HPCAL1: variants seen among roughly 807,000 people sequenced by gnomAD.
The protein encoded by HPCAL1 is hippocalcin-like protein 1.
A neutral mutation model predicts 17.1 loss-of-function variants in HPCAL1; 8 were observed. The ratio of observed to expected loss-of-function variants is 0.47; its 90% CI spans 0.27 to 0.84. HPCAL1 has a LOEUF of 0.84. Among genes scored for constraint, HPCAL1 ranks in the 40% least tolerant of loss-of-function variants. The pLI is 0.13. For synonymous variants in HPCAL1, 112 were observed against 111.4 expected, an observed-to-expected ratio of 1.01 and a Z score of -0.03; for missense variants, 165 against 271.1, an observed-to-expected ratio of 0.61 and a Z score of 2.75.
chr2:10,414,201 C>T (rs753222584), intron 2 of HPCAL1, among the ~76,000 whole-genome samples: 11 of 152,246 alleles, frequency 7.2e-5, no homozygotes, highest in South Asian at 4.1e-4. Context: ...GCAGGTGTAA[C>T]GTACCTGGCA....
In HPCAL1 at chr2:10,303,126, G is replaced by A; in HGVS notation, c.-162G>A. 6.6e-6 allele frequency: 1 copy of A among 151,946 alleles called. No homozygotes were observed. The highest frequency in any genetic ancestry group is 1.9e-4 in the East Asian group (1 of 5,160). 9.4% of individuals were successfully genotyped at this position (151,946 alleles called of 1,614,324 possible). A position where few individuals can be genotyped will look rare whatever the true frequency, so the allele number is the denominator to read the frequency against. On this transcript the variant is annotated 5_prime_UTR_variant, in exon 1 of 5. Coordinates refer to ENST00000307845, the MANE Select transcript of HPCAL1 (RefSeq NM_002149.4). ...CCCGGGCCCGCTGCAGCCGCCGCCG[G>A]CGCCGAACTTGGGCTCGGGAAGCCG... is the stretch of plus-strand genomic sequence containing the variant.
At chr2:10,399,848 C>T (rs996327260) in intron 2 of HPCAL1, among the ~76,000 whole-genome samples, 1 of 152,172 alleles carries the variant, frequency 6.6e-6, no homozygotes, top group African/African-American at 2.4e-5. Context: ...TCATGCGTTC[C>T]TTCCCTTGAG....
At chr2:10,361,098 G>T (rs1666495983) in intron 1 of HPCAL1, among the ~76,000 whole-genome samples, 1 of 145,832 alleles carries the variant, frequency 6.9e-6, no homozygotes, top group Admixed American at 7.0e-5. Context: ...GATGAGACAG[G>T]CGAGACTGCC....
At chr2:10,388,720 G>A (rs779791914) in intron 1 of HPCAL1, among the ~76,000 whole-genome samples, 2 of 152,110 alleles carry the variant, frequency 1.3e-5, no homozygotes, top group African/African-American at 4.8e-5. Flanking sequence ...ACTCCCTGCC[G>A]ACCTCGTCTC....
rs574579149 is a variant in HPCAL1 at position 10,331,055 on chromosome 2, G to C, written c.-111+27878G>C. 3.3e-5 allele frequency among the ~76,000 whole-genome samples: 5 copies of C among 152,106 alleles called. No homozygotes were observed. The highest frequency in any genetic ancestry group is 7.4e-5 in the Non-Finnish European group (5 of 68,018). The stretch of plus-strand genomic sequence containing the variant: ...TGGCTTCTTCCTCATCCCGCCTCTC[G>C]CTCCATCTCGTGGCCTCCCATCTGC... On this transcript the variant is annotated intron_variant, in intron 1 of 4. Transcript: ENST00000307845. The surrounding 1 kb of genome is among the most constrained non-coding windows in gnomAD (Gnocchi z 5.0).
rs1284265595 is a variant in HPCAL1 at position 10,399,239 on chromosome 2, C to T, written c.-25+2319C>T. ...CCACCACCACCACCACCACCACCAC[C>T]ATCACCACCACCACCACCACCATCA... On this transcript the variant is annotated intron_variant, in intron 2 of 4. Coordinates refer to ENST00000307845, the MANE Select transcript of HPCAL1 (RefSeq NM_002149.4). Among the ~76,000 whole-genome samples the T allele has an allele frequency of 1.3e-3, 149 of 117,994 alleles. 4 individuals carry two copies. The highest frequency in any genetic ancestry group is 4.1e-3 in the African/African-American group (138 of 33,836). 77.4% of individuals were successfully genotyped at this position (117,994 alleles called of 152,430 possible).
rs376794641 is a variant in HPCAL1 at position 10,391,649 on chromosome 2, A to G, written c.-110-5186A>G. ...TCCGCTCTTCTGCCAGCCCCAAGAAACTACGAATCTACTTTCTGTCTCTGT... is the reference window on the plus strand; with the variant it reads ...TCCGCTCTTCTGCCAGCCCCAAGAAGCTACGAATCTACTTTCTGTCTCTGT... On this transcript the variant is annotated intron_variant, in intron 1 of 4. Transcript: ENST00000307845. Among the ~76,000 whole-genome samples, 123 of 152,278 alleles carry G rather than the reference A, an allele frequency of 8.1e-4. 2 individuals carry two copies. Among genetic ancestry groups the G allele is most frequent in the African/African-American group, 2.8e-3 (116 of 41,540 alleles).
chr2:10,386,046 C>A lies in HPCAL1; in HGVS notation c.-110-10789C>A, dbSNP rs151276400. The stretch of plus-strand genomic sequence containing the variant: ...AATGTCGATAACACAGCAGGACTTG[C>A]GTGTGACAAGCTGAGCCACATAACG... On this transcript the variant is annotated intron_variant, in intron 1 of 4. Coordinates refer to ENST00000307845, the MANE Select transcript of HPCAL1 (RefSeq NM_002149.4). 1.2e-4 allele frequency among the ~76,000 whole-genome samples: 18 copies of A among 152,328 alleles called. No individual in the cohort carries two copies. The East Asian group carries it at 3.1e-3, about 26-fold the overall frequency.
At position 10,366,736 on chromosome 2, in the gene HPCAL1, T is replaced by C. The variant is rs113085815; in HGVS notation, c.-110-30099T>C. Among the ~76,000 whole-genome samples the C allele has an allele frequency of 1.4e-3, 214 of 152,320 alleles. 1 individual carries two copies. Among genetic ancestry groups the C allele is most frequent in the African/African-American group, 5.0e-3 (207 of 41,576 alleles). On this transcript the variant is annotated intron_variant, in intron 1 of 4. Coordinates refer to ENST00000307845, the MANE Select transcript of HPCAL1 (RefSeq NM_002149.4). ...TGCCCCGGCTCCCCAGCCCCGGGCTTCCTGCATTGTGTGCTTCCACTCCCG... is the reference window on the plus strand; with the variant it reads ...TGCCCCGGCTCCCCAGCCCCGGGCTCCCTGCATTGTGTGCTTCCACTCCCG...
At chr2:10,372,562 C>T (rs1371806950) in intron 1 of HPCAL1, among the ~76,000 whole-genome samples, 3 of 152,164 alleles carry the variant, frequency 2.0e-5, no homozygotes, top group Non-Finnish European at 2.9e-5. Flanking sequence ...GGGCAAGTGG[C>T]GTCACCAAGG....
At chr2:10,318,951 G>T (rs757329451) in intron 1 of HPCAL1, among the ~76,000 whole-genome samples, 1 of 152,178 alleles carries the variant, frequency 6.6e-6, no homozygotes, top group Non-Finnish European at 1.5e-5. Context: ...TGATGGACAC[G>T]GCCTTGTAGC....
intron 1 of HPCAL1, among the ~76,000 whole-genome samples, chr2:10,307,712 A>G (rs1662712297): frequency 6.6e-6 from 1 of 152,130 alleles, no homozygotes; most frequent in Admixed American, 6.5e-5. Context: ...GTCTGTCTTC[A>G]CTTTGCCATC....
At chr2:10,410,819 T>A (rs1670308597) in intron 2 of HPCAL1, among the ~76,000 whole-genome samples, 1 of 152,120 alleles carries the variant, frequency 6.6e-6, no homozygotes, top group Non-Finnish European at 1.5e-5. Context: ...TTTCTGTCTC[T>A]GCAGAAAGGC....
At chr2:10,412,892 A>C (rs1670443632) in intron 2 of HPCAL1, among the ~76,000 whole-genome samples, 1 of 152,242 alleles carries the variant, frequency 6.6e-6, no homozygotes, top group East Asian at 1.9e-4. Context: ...TCAAGGTCAT[A>C]GGCACAGTCT....
intron 1 of HPCAL1, among the ~76,000 whole-genome samples, chr2:10,340,509 T>A (rs985831754): frequency 6.6e-6 from 1 of 152,064 alleles, no homozygotes; most frequent in Non-Finnish European, 1.5e-5. Flanking sequence ...CTTTGAGAGG[T>A]CATCTGTAGG....
intron 1 of HPCAL1, among the ~76,000 whole-genome samples, chr2:10,308,394 A>G (rs1312608597): frequency 2.0e-5 from 3 of 152,124 alleles, no homozygotes; most frequent in Non-Finnish European, 2.9e-5. Flanking sequence ...TCACCCCAGA[A>G]AGATCCCTCT....
At position 10,368,123 on chromosome 2, in the gene HPCAL1, G is replaced by T. The variant is rs561670001; in HGVS notation, c.-110-28712G>T. The stretch of plus-strand genomic sequence containing the variant: ...GTGCATATGCGCATACACATGTATA[G>T]GTGTGTGCATGTGTGCACACGTGCA... On this transcript the variant is annotated intron_variant, in intron 1 of 4. Coordinates refer to ENST00000307845, the MANE Select transcript of HPCAL1 (RefSeq NM_002149.4). Among the ~76,000 whole-genome samples, 178 of 151,796 alleles carry T rather than the reference G, an allele frequency of 1.2e-3. 2 individuals carry two copies. Among genetic ancestry groups the T allele is most frequent in the African/African-American group, 4.2e-3 (172 of 41,388 alleles).
intron 1 of HPCAL1, among the ~76,000 whole-genome samples, chr2:10,320,204 A>G (rs966275721): frequency 6.6e-6 from 1 of 152,076 alleles, no homozygotes; most frequent in Non-Finnish European, 1.5e-5. Context: ...CTTCCCAGAC[A>G]TGAGTCTTAT....
rs535685260 is a variant in HPCAL1, at chr2:10,359,774, C to T, written c.-110-37061C>T. On this transcript the variant is annotated intron_variant, in intron 1 of 4. Coordinates refer to ENST00000307845, the MANE Select transcript of HPCAL1 (RefSeq NM_002149.4). The surrounding 1 kb of genome is among the most constrained non-coding windows in gnomAD (Gnocchi z 4.1). ...AGGGGCCTTACCCAGATCCCCGTGT[C>T]CCCCACAGCGGTGGCGGTTTTATTG... 1.3e-5 allele frequency among the ~76,000 whole-genome samples: 2 copies of T among 152,310 alleles called. No homozygotes were observed. Among genetic ancestry groups the T allele is most frequent in the East Asian group, 3.9e-4 (2 of 5,180 alleles).
Sources: gnomAD v4.1 joint callset for allele counts (sites outside exome capture counted in the v4.1 genomes callset) on GRCh38, gnomAD v4.1.1 for gene constraint, Gnocchi (gnomAD v3.1) non-coding constraint, MANE v1.5 for transcripts, NCBI Gene and HGNC (gene_info 2026-07-23, HGNC 2026-07-21) for gene names.